Variants in UBR4 observed in about 807,000 individuals in gnomAD.
UBR4 encodes the protein E3 ubiquitin-protein ligase UBR4.
A neutral mutation model predicts 575.6 loss-of-function variants in UBR4; 124 were observed. That is an observed-to-expected ratio of 0.22 (90% CI 0.19 to 0.25). The LOEUF (loss-of-function observed/expected upper bound fraction) is 0.25, where lower values mean the gene tolerates loss of function less well. UBR4 is among the 10% of genes least tolerant of loss of function. UBR4 has a pLI of 1.00. For missense variants in UBR4, 4,818 were observed against 6,478.8 expected, an observed-to-expected ratio of 0.74 and a Z score of 8.80; for synonymous variants, 2,455 against 2,473.7, an observed-to-expected ratio of 0.99 and a Z score of 0.22.
Position 19,139,446 on chromosome 1 carries a change from TAGAC to T in UBR4, c.8594-230_8594-227del, listed in dbSNP as rs760838324. On this transcript the variant is annotated intron_variant, in intron 58 of 105. Coordinates refer to ENST00000375254, the MANE Select transcript of UBR4 (RefSeq NM_020765.3). This position sits in a 1 kb window ranked among gnomAD's most constrained non-coding sequence, Gnocchi z 4.2. ...TACACGGTGCATTGCAAACAGTACT[TAGAC>T]AGGAGTGAAGAAAACCCAGTTCACT... 1.1e-4 allele frequency among the ~76,000 whole-genome samples: 16 copies of T among 152,172 alleles called. No homozygotes were observed. The highest frequency in any genetic ancestry group is 2.2e-4 in the African/African-American group (9 of 41,454).
intron 56 of UBR4, 28 bp downstream of exon 56, chr1:19,141,619 T>TCCC: frequency 6.2e-7 from 1 of 1,612,186 alleles, no homozygotes; most frequent in Non-Finnish European, 8.5e-7. Context: ...AAGCTCCTCC[T>TCCC]CCCCTTCTCC....
In UBR4 at chr1:19,112,707, T is replaced by C. The variant is rs2080036322; in HGVS notation, c.11618A>G (p.Tyr3873Cys). Residue 3873 changes from tyrosine to cysteine, a missense_variant, in exon 78 of 106, where the codon TAT (tyrosine) becomes TGT (cysteine). Around this residue, in one of 29 missense-constraint regions of UBR4, gnomAD observed 333 missense variants for 459.2 expected, o/e 0.73. Transcript: ENST00000375254. Reference protein sequence around the residue: ...GCGHTSSTKCYGCASAVTEHC... With the variant: ...GCGHTSSTKCCGCASAVTEHC... ...TTCTGTGACAGCCGAGGCGCAGCCA[T>C]AGCACTTGGTGGAGGATGTGTGGCC... is the stretch of plus-strand genomic sequence containing the variant. 6.2e-7 allele frequency: 1 copy of C among 1,614,232 alleles called. No individual in the cohort carries two copies. The highest frequency in any genetic ancestry group is 8.5e-7 in the Non-Finnish European group (1 of 1,180,034).
In UBR4 at chr1:19,173,174, T is replaced by C. The variant is rs769155857; in HGVS notation, c.3291+7A>G. ...AGTTCTATCATTTAGGTTCCAATATTACATACCTGTCGAGCGAAGTATTCC... is the reference window on the plus strand; with the variant it reads ...AGTTCTATCATTTAGGTTCCAATATCACATACCTGTCGAGCGAAGTATTCC... On this transcript the variant is annotated splice_region_variant and intron_variant, in intron 24 of 105. Coordinates refer to ENST00000375254, the MANE Select transcript of UBR4 (RefSeq NM_020765.3). The C allele has an allele frequency of 1.1e-5, 17 of 1,614,096 alleles. No individual in the cohort carries two copies. The highest frequency in any genetic ancestry group is 3.3e-5 in the Admixed American group (2 of 60,014).
intron 21 of UBR4, 98 bp downstream of exon 21, chr1:19,174,856 A>G (rs2090049009): frequency 9.2e-7 from 1 of 1,086,896 alleles, no homozygotes; most frequent in Non-Finnish European, 1.4e-6. Flanking sequence ...ACATTTCCTC[A>G]CTATAAAAAG....
intron 17 of UBR4, among the ~76,000 whole-genome samples, chr1:19,179,888 A>G (rs765316254): frequency 3.3e-5 from 5 of 152,250 alleles, no homozygotes; most frequent in Admixed American, 6.5e-5. Context: ...GACACAAAGC[A>G]TGGTTACTGT....
intron 15 of UBR4, among the ~76,000 whole-genome samples, chr1:19,184,544 T>C (rs1269966092): frequency 6.6e-6 from 1 of 152,218 alleles, no homozygotes; most frequent in Non-Finnish European, 1.5e-5. Context: ...TTATTACACA[T>C]ATATAGAATT....
intron 43 of UBR4, 77 bp downstream of exon 43, chr1:19,155,364 G>T: frequency 7.1e-7 from 1 of 1,414,318 alleles, no homozygotes; most frequent in South Asian, 1.3e-5. Context: ...TGTTATAAAA[G>T]AACAAAGAAA....
At position 19,185,278 on chromosome 1, in the gene UBR4, T is replaced by C. The variant is rs1342321388; in HGVS notation, c.1759A>G (p.Ser587Gly). 1 of 1,563,780 alleles carries C rather than the reference T, an allele frequency of 6.4e-7. No individual in the cohort carries two copies. The highest frequency in any genetic ancestry group is 8.6e-7 in the Non-Finnish European group (1 of 1,160,546). The change falls in exon 15 of 106, where the codon AGT becomes GGT. Residue 587 changes from serine (S) to glycine (G), a missense_variant. By Grantham distance (56) the Ser-to-Gly change is moderately conservative. Coordinates refer to ENST00000375254, the MANE Select transcript of UBR4 (RefSeq NM_020765.3). ...TEEDSSQDDD[S>G]EPILGQWFEE... ...AACCATTGCCCCAAAATAGGCTCAC[T>C]GTCATCGTCTGAATAGAGAAAGATA...
chr1:19,134,868 C>G (rs376568047), intron 60 of UBR4, among the ~76,000 whole-genome samples: 2 of 152,044 alleles, frequency 1.3e-5, no homozygotes, highest in African/African-American at 4.8e-5. Context: ...AGCCTAGGAG[C>G]CTATAAGGAA....
Position 19,144,812 on chromosome 1 carries a change from T to G in UBR4, c.8041A>C (p.Ile2681Leu). Residue 2681 changes from isoleucine (I) to leucine (L), a missense_variant, in exon 54 of 106, where the codon ATC (isoleucine) becomes CTC (leucine). Ile to Leu is a conservative substitution (Grantham distance 5, BLOSUM62 2). This residue lies in a region of UBR4 where 340 missense variants were observed against 375.4 expected (regional missense o/e 0.91). Transcript: ENST00000375254. Reference protein sequence around the residue: ...ELDCINTASKIYMQMLLCPDP... With the variant: ...ELDCINTASKLYMQMLLCPDP... ...GGACACAAGAGCATCTGCATGTAGA[T>G]CTTGGATGCTGTGTTAATACAATCC... 6.2e-7 allele frequency: 1 copy of G among 1,614,188 alleles called. No homozygotes were observed. Among genetic ancestry groups the G allele is most frequent in the Non-Finnish European group, 8.5e-7 (1 of 1,180,016 alleles).
At chr1:19,121,044 C>T in intron 68 of UBR4, 145 bp downstream of exon 68, 3 of 1,162,916 alleles carry the variant, frequency 2.6e-6, no homozygotes, top group Non-Finnish European at 3.6e-6. Context: ...GAAAATGAGA[C>T]CAAAAGTAGA....
intron 44 of UBR4, among the ~76,000 whole-genome samples, chr1:19,154,538 T>C (rs375794009): frequency 1.3e-5 from 2 of 152,198 alleles, no homozygotes; most frequent in East Asian, 3.8e-4. Flanking sequence ...TTCTATTTGC[T>C]AACAGAGTAA....
chr1:19,149,819 A>G, intron 49 of UBR4: 1 of 1,289,610 alleles, frequency 7.8e-7, no homozygotes, highest in Non-Finnish European at 1.0e-6. Flanking sequence ...CAAAGAAAAA[A>G]AAAAAAGGAA....
In UBR4 at chr1:19,093,174, C is replaced by T; in HGVS notation, c.14111+139G>A. On this transcript the variant is annotated intron_variant, in intron 96 of 105. Transcript: ENST00000375254. This position sits in a 1 kb window ranked among gnomAD's most constrained non-coding sequence, Gnocchi z 4.8. ...TCTGCAGTGGTTGAATGGTCACCCACATAGTTTCCAGAAGCGGTTGGGAGG... is the reference window on the plus strand; with the variant it reads ...TCTGCAGTGGTTGAATGGTCACCCATATAGTTTCCAGAAGCGGTTGGGAGG... The T allele has an allele frequency of 8.3e-7, 1 of 1,198,826 alleles. No individual in the cohort carries two copies. Among genetic ancestry groups the T allele is most frequent in the Non-Finnish European group, 1.2e-6 (1 of 845,880 alleles). 74.3% of individuals were successfully genotyped at this position (1,198,826 alleles called of 1,614,324 possible).
At chr1:19,137,258 C>T (rs1387097794) in intron 60 of UBR4, among the ~76,000 whole-genome samples, 1 of 151,470 alleles carries the variant, frequency 6.6e-6, no homozygotes, top group Non-Finnish European at 1.5e-5. Flanking sequence ...ACTGTTCACA[C>T]CACTGCACTC....
intron 5 of UBR4, 51 bp downstream of exon 5, chr1:19,198,490 T>C: frequency 6.3e-7 from 1 of 1,584,556 alleles, no homozygotes; most frequent in Non-Finnish European, 8.6e-7. Context: ...CCTAGTGTTA[T>C]CATCTTAACA....
intron 26 of UBR4, among the ~76,000 whole-genome samples, chr1:19,169,862 C>T (rs2150829977): frequency 6.6e-6 from 1 of 152,304 alleles, no homozygotes; most frequent in East Asian, 1.9e-4. Flanking sequence ...CATCTGCTCC[C>T]CTTCTATAAA....
Position 19,092,836 on chromosome 1 carries a change from G to C in UBR4, c.14194C>G (p.Gln4732Glu). 1 of 1,612,568 alleles carries C rather than the reference G, an allele frequency of 6.2e-7. No homozygotes were observed. Among genetic ancestry groups the C allele is most frequent in the Non-Finnish European group, 8.5e-7 (1 of 1,179,496 alleles). The change falls in exon 97 of 106, where the codon CAG (glutamine) becomes GAG (glutamate). Residue 4732 changes from glutamine to glutamate, a missense_variant. Coordinates refer to ENST00000375254, the MANE Select transcript of UBR4 (RefSeq NM_020765.3). ...CTACCCACCTGGGTGCCAGGGTGCTGGATGGCCAGGCCCCGAAGCAGCCTT... is the reference window on the plus strand; with the variant it reads ...CTACCCACCTGGGTGCCAGGGTGCTCGATGGCCAGGCCCCGAAGCAGCCTT... ...ILRLLRGLAI[Q>E]HPGTQVLIGT...
Position 19,148,557 on chromosome 1 carries a change from A to T in UBR4, c.7494+6T>A. On this transcript the variant is annotated splice_donor_region_variant and intron_variant, in intron 50 of 105. Coordinates refer to ENST00000375254, the MANE Select transcript of UBR4 (RefSeq NM_020765.3). ...AGCTTCCATGTGCTTTGAAAAAGTG[A>T]CTTGCCTTCTCGATGATTGGGCCAA... 1 of 1,614,168 alleles carries T rather than the reference A, an allele frequency of 6.2e-7. No individual in the cohort carries two copies. The highest frequency in any genetic ancestry group is 8.5e-7 in the Non-Finnish European group (1 of 1,180,020).
Sources: allele counts gnomAD v4.1 joint callset (sites outside exome capture counted in the v4.1 genomes callset), GRCh38; gene constraint gnomAD v4.1.1; regional missense constraint gnomAD v4.1.1; non-coding constraint Gnocchi (gnomAD v3.1); transcripts MANE v1.5; gene names NCBI Gene and HGNC (gene_info 2026-07-23, HGNC 2026-07-21).